The following ERCC5 variants were observed in gnomAD, a reference collection of about 807,000 sequenced individuals.
ERCC5 encodes ERCC excision repair 5, endonuclease, also known as DNA excision repair protein ERCC-5.
ERCC5 carries 68 observed loss-of-function variants against 105.6 expected under a neutral mutation model. That is an observed-to-expected ratio of 0.64 (90% CI 0.53 to 0.79). ERCC5 has a LOEUF of 0.79. Ranked by LOEUF, ERCC5 falls within the 30% of genes least tolerant of loss-of-function variation. The pLI, the probability that ERCC5 is intolerant of heterozygous loss-of-function variation, is 0.00. For missense variants in ERCC5, 1,373 were observed against 1,426.7 expected (o/e 0.96, Z 0.61); for synonymous variants, 546 against 526.2 (o/e 1.04, Z -0.51).
At chr13:102,857,340 G>T (rs965520086) in intron 5 of ERCC5, among the ~76,000 whole-genome samples, 4 of 152,190 alleles carry the variant, frequency 2.6e-5, no homozygotes, top group Non-Finnish European at 5.9e-5. Flanking sequence ...ATCTTACACA[G>T]ATTAAATTCT....
Position 102,875,518 on chromosome 13 carries a change from G to C in ERCC5, c.3176G>C (p.Gly1059Ala), listed in dbSNP as rs1349676548. The change falls in exon 15 of 15, where the codon GGC (glycine) becomes GCC (alanine). Residue 1059 changes from glycine to alanine, a missense_variant. Coordinates refer to ENST00000652225, the MANE Select transcript of ERCC5 (RefSeq NM_000123.4). ...GCAAAAGGAAAAACCCAGAAGAGAG[G>C]CATAACAAATACCTTAGAAGAGTCA... ...DKAKGKTQKR[G>A]ITNTLEESSS... The C allele has an allele frequency of 6.2e-7, 1 of 1,614,046 alleles. No homozygotes were observed. The highest frequency in any genetic ancestry group is 8.5e-7 in the Non-Finnish European group (1 of 1,179,936).
chr13:102,858,486 A>G, intron 6 of ERCC5, 68 bp downstream of exon 6: 1 of 1,608,972 alleles, frequency 6.2e-7, no homozygotes, highest in Non-Finnish European at 8.5e-7. Context: ...ATTAGAAAGA[A>G]GAGAAAATTG....
rs1318780614 is a variant in ERCC5 at position 102,854,391 on chromosome 13, TTAAGAA to T, written c.467+20_467+25del. ...AAAACACAGGTAAATGTTTAACTAT[TTAAGAA>T]TATTATTTTAGTCATTGCTACATTC... On this transcript the variant is annotated intron_variant, in intron 4 of 14. Transcript: ENST00000652225. 1 of 1,610,340 alleles carries T rather than the reference TTAAGAA, an allele frequency of 6.2e-7. No individual in the cohort carries two copies. Among genetic ancestry groups the T allele is most frequent in the Admixed American group, 1.7e-5 (1 of 60,032 alleles).
At chr13:102,848,170 C>G (rs1394102477) in intron 1 of ERCC5, among the ~76,000 whole-genome samples, 3 of 127,666 alleles carry the variant, frequency 2.3e-5, no homozygotes, top group Non-Finnish European at 5.1e-5. Flanking sequence ...CTAGTCATGA[C>G]AACCTCATAT....
chr13:102,860,852 G>T (rs1183552172), intron 6 of ERCC5, among the ~76,000 whole-genome samples: 1 of 152,064 alleles, frequency 6.6e-6, no homozygotes, highest in Non-Finnish European at 1.5e-5. Flanking sequence ...AGGTTGTGCA[G>T]GACACTTCAC....
At chr13:102,856,441 AAC>A (rs1232432899) in intron 5 of ERCC5, among the ~76,000 whole-genome samples, 7 of 152,242 alleles carry the variant, frequency 4.6e-5, no homozygotes, top group African/African-American at 1.4e-4. Flanking sequence ...AACTTGTAAT[AAC>A]AGTTTGATAT....
chr13:102,875,745 G>A lies in ERCC5; in HGVS notation c.3403G>A (p.Glu1135Lys). The change falls in exon 15 of 15, where the codon GAA (glutamate) becomes AAA (lysine). Residue 1135 changes from glutamate to lysine, a missense_variant. Physicochemically the swap from Glu to Lys is moderately conservative, Grantham distance 56. Transcript: ENST00000652225. Reference protein sequence around the residue: ...SASDSQNSVKEAPVKNGGATT... With the variant: ...SASDSQNSVKKAPVKNGGATT... ...TTCAGATTCGCAGAACTCAGTGAAG[G>A]AAGCTCCCGTGAAGAATGGAGGTGC... 6.2e-7 allele frequency: 1 copy of A among 1,614,174 alleles called. No homozygotes were observed. The highest frequency in any genetic ancestry group is 8.5e-7 in the Non-Finnish European group (1 of 1,180,040).
In ERCC5 at chr13:102,849,290, T is replaced by C. The variant is rs762231578; in HGVS notation, c.89-2828T>C. On this transcript the variant is annotated intron_variant, in intron 1 of 14. Transcript: ENST00000652225. ...CATTTTAGAACTGGTTTCCTTATAA[T>C]CTGTTCTTCACATGTTCATCAAAGT... 10 of 518,420 alleles carry C rather than the reference T, an allele frequency of 1.9e-5. No homozygotes were observed. In the East Asian group the frequency reaches 4.4e-4, roughly 23 times the overall value. 32.1% of individuals were successfully genotyped at this position (518,420 alleles called of 1,614,324 possible).
In ERCC5 at chr13:102,875,896, A is replaced by G; in HGVS notation, c.3554A>G (p.Lys1185Arg). 3.7e-6 allele frequency: 6 copies of G among 1,605,440 alleles called. No homozygotes were observed. The highest frequency in any genetic ancestry group is 5.1e-6 in the Non-Finnish European group (6 of 1,179,802). Residue 1185 changes from lysine (K) to arginine (R), a missense_variant, in exon 15 of 15, where the codon AAA (lysine) becomes AGA (arginine). Physicochemically the swap from Lys to Arg is conservative, Grantham distance 26. Transcript: ENST00000652225. ...AGACGTGCGAGGGGAAGAAAAAGGAAAACCTAATTAAAAAATATGTATCCT... is the reference window on the plus strand; with the variant it reads ...AGACGTGCGAGGGGAAGAAAAAGGAGAACCTAATTAAAAAATATGTATCCT... Reference protein sequence around the residue: ...KLRRARGRKRKT With the variant: ...KLRRARGRKRRT
intron 6 of ERCC5, chr13:102,859,000 C>T (rs1882528537): frequency 2.2e-6 from 1 of 446,414 alleles, no homozygotes; most frequent in South Asian, 1.6e-5. Flanking sequence ...GGGGCTTCTT[C>T]ACCTTGGAAC....
intron 7 of ERCC5, 22 bp downstream of exon 7, chr13:102,861,736 A>G (rs764305509): frequency 9.9e-6 from 16 of 1,613,502 alleles, no homozygotes; most frequent in South Asian, 3.3e-5. Flanking sequence ...CATCATTTAT[A>G]TATTTACATT....
intron 6 of ERCC5, among the ~76,000 whole-genome samples, chr13:102,859,251 C>T (rs745607375): frequency 2.6e-5 from 4 of 152,188 alleles, no homozygotes; most frequent in Admixed American, 6.5e-5. Flanking sequence ...GCAGCATCAT[C>T]GACCTTAGTG....
chr13:102,854,500 C>G (rs925935832), intron 4 of ERCC5, 126 bp downstream of exon 4: 50 of 887,610 alleles, frequency 5.6e-5, no homozygotes, highest in Non-Finnish European at 8.4e-5. Context: ...AATAGGCATG[C>G]TCTATACCTT....
At chr13:102,868,040 T>G (rs1882904714) in intron 11 of ERCC5, 73 bp from the exon 12 acceptor site, 1 of 1,442,500 alleles carries the variant, frequency 6.9e-7, no homozygotes, top group South Asian at 1.2e-5. Flanking sequence ...CGTACATGAT[T>G]TATATAATAA....
chr13:102,853,741 T>C lies in ERCC5; in HGVS notation c.265-16T>C. Reference sequence around the variant, plus strand: ...TAATATCCTGAAGTGAGATCTTACATCCTTTCTTCTCATAGGTGAAGAGAA... The same window carrying C: ...TAATATCCTGAAGTGAGATCTTACACCCTTTCTTCTCATAGGTGAAGAGAA... On this transcript the variant is annotated splice_polypyrimidine_tract_variant and intron_variant, in intron 2 of 14. Transcript: ENST00000652225. The C allele has an allele frequency of 1.2e-6, 2 of 1,608,962 alleles. No individual in the cohort carries two copies. Among genetic ancestry groups the C allele is most frequent in the South Asian group, 2.2e-5 (2 of 90,812 alleles).
intron 6 of ERCC5, among the ~76,000 whole-genome samples, chr13:102,859,992 A>G (rs1882562420): frequency 6.6e-6 from 1 of 152,200 alleles, no homozygotes; most frequent in Non-Finnish European, 1.5e-5. Context: ...CTCCTGCTCC[A>G]TCTTGCCTGG....
chr13:102,868,129 G>A lies in ERCC5; in HGVS notation c.2550G>A (p.Lys850=), dbSNP rs149541058. 1.9e-5 allele frequency: 31 copies of A among 1,614,038 alleles called. No homozygotes were observed. The African/African-American group carries it at 3.3e-4, about 17-fold the overall frequency. Residue 850 remains lysine (K), a synonymous_variant, in exon 12 of 15, where the codon AAG becomes AAA. Transcript: ENST00000652225. ...FHNQLGLDRN[K]LINLAYLLGS... Reference sequence around the variant, plus strand: ...ACTCTTTAGGATTGGACCGGAATAAGTTAATAAATTTGGCTTATTTGCTTG... The same window carrying A: ...ACTCTTTAGGATTGGACCGGAATAAATTAATAAATTTGGCTTATTTGCTTG...
intron 6 of ERCC5, 60 bp downstream of exon 6, chr13:102,858,478 TAGAA>T (rs1358627713): frequency 1.9e-6 from 3 of 1,611,700 alleles, no homozygotes; most frequent in Non-Finnish European, 2.5e-6. Flanking sequence ...AACTTTTTAT[TAGAA>T]AGAAGAGAAA....
chr13:102,871,252 T>C (rs372058327), intron 12 of ERCC5, among the ~76,000 whole-genome samples: 94 of 152,328 alleles, frequency 6.2e-4, no homozygotes, highest in African/African-American at 2.2e-3. Flanking sequence ...GGGCCTCCCC[T>C]AGGCCTGGCA....
Sources: gnomAD v4.1 joint callset for allele counts (sites outside exome capture counted in the v4.1 genomes callset) on GRCh38, gnomAD v4.1.1 for gene constraint, MANE v1.5 for transcripts, NCBI Gene and HGNC (gene_info 2026-07-23, HGNC 2026-07-21) for gene names.